Variants in CNTN5 observed in about 807,000 individuals in gnomAD.
CNTN5 encodes contactin-5.
CNTN5 carries 77 observed loss-of-function variants against 129.1 expected under a neutral mutation model. The ratio of observed to expected loss-of-function variants is 0.60; its 90% confidence interval spans 0.50 to 0.72. The LOEUF (loss-of-function observed/expected upper bound fraction) is 0.72. Among genes scored for constraint, CNTN5 ranks in the 30% least tolerant of loss-of-function variants. The pLI is 0.00. For synonymous variants in CNTN5, 509 were observed against 465.6 expected (o/e 1.09, Z -1.20); for missense variants, 1,478 against 1,328.8 (o/e 1.11, Z -1.75).
At chr11:99,441,844 C>A (rs1412197591) in intron 2 of CNTN5, among the ~76,000 whole-genome samples, 1 of 152,078 alleles carries the variant, frequency 6.6e-6, no homozygotes, top group Admixed American at 6.6e-5. Flanking sequence ...TCTTCAAAGT[C>A]ATTTTTAATA....
chr11:100,036,916 A>G (rs1000495405), intron 9 of CNTN5, among the ~76,000 whole-genome samples: 4 of 148,306 alleles, frequency 2.7e-5, no homozygotes, highest in African/African-American at 7.6e-5. Context: ...GTCTGCAAAC[A>G]GGGACAATTT....
intron 8 of CNTN5, among the ~76,000 whole-genome samples, chr11:99,962,233 G>A (rs1171308057): frequency 1.3e-5 from 2 of 152,054 alleles, no homozygotes; most frequent in Non-Finnish European, 2.9e-5. Context: ...ATGTATACAT[G>A]TGCCATGTTG....
At chr11:100,144,892 T>C (rs4754672) in intron 13 of CNTN5, among the ~76,000 whole-genome samples, 33,342 of 151,436 alleles carry the variant, frequency 0.22, 4,748 homozygotes, top group East Asian at 0.56. Context: ...CCTTCCTTCC[T>C]CTTTTTCTTT....
At chr11:99,275,586 G>A (rs79307137) in intron 1 of CNTN5, among the ~76,000 whole-genome samples, 18 of 151,484 alleles carry the variant, frequency 1.2e-4, no homozygotes, top group East Asian at 3.9e-4. Context: ...ACAGGTCAGC[G>A]GGATTCCTCA....
intron 3 of CNTN5, among the ~76,000 whole-genome samples, chr11:99,635,512 A>T (rs1037997592): frequency 6.6e-6 from 1 of 152,022 alleles, no homozygotes; most frequent in African/African-American, 2.4e-5. Flanking sequence ...AGCCTACTAC[A>T]TATGACTGCT....
intron 3 of CNTN5, among the ~76,000 whole-genome samples, chr11:99,779,524 T>C (rs1213169557): frequency 6.6e-6 from 1 of 151,946 alleles, no homozygotes; most frequent in East Asian, 1.9e-4. Context: ...CAGCTTCCCT[T>C]AGAATAATTG....
chr11:99,413,913 A>T (rs1942516210), intron 2 of CNTN5, among the ~76,000 whole-genome samples: 1 of 152,200 alleles, frequency 6.6e-6, no homozygotes, highest in African/African-American at 2.4e-5. Context: ...ATTTTTGCTT[A>T]TGCATAAATT....
intron 3 of CNTN5, among the ~76,000 whole-genome samples, chr11:99,614,188 T>A (rs1359705954): frequency 6.6e-6 from 1 of 152,238 alleles, no homozygotes; most frequent in Non-Finnish European, 1.5e-5. Context: ...CATATAGGTA[T>A]TACACTCCTA....
intron 2 of CNTN5, among the ~76,000 whole-genome samples, chr11:99,494,915 A>T (rs1158344365): frequency 6.6e-6 from 1 of 152,210 alleles, no homozygotes; most frequent in Non-Finnish European, 1.5e-5. Context: ...AAAAGACATC[A>T]GATTCTTGCT....
At chr11:99,070,086 C>T (rs189627276) in intron 1 of CNTN5, among the ~76,000 whole-genome samples, 2 of 152,256 alleles carry the variant, frequency 1.3e-5, no homozygotes, top group African/African-American at 2.4e-5. Context: ...CCACTTAGTC[C>T]GCACTGGTAT....
chr11:99,935,401 C>T (rs1950293294), intron 7 of CNTN5, among the ~76,000 whole-genome samples: 1 of 151,908 alleles, frequency 6.6e-6, no homozygotes, highest in African/African-American at 2.4e-5. Flanking sequence ...ATATTATAAA[C>T]ATCATTCCAT....
At chr11:99,379,663 AT>A (rs1325224092) in intron 2 of CNTN5, among the ~76,000 whole-genome samples, 4 of 152,328 alleles carry the variant, frequency 2.6e-5, no homozygotes, top group East Asian at 1.9e-4. Context: ...GTAGAAAAAA[AT>A]ATGTGTATTG....
chr11:99,406,127 C>T (rs4754623), intron 2 of CNTN5, among the ~76,000 whole-genome samples: 1 of 151,410 alleles, frequency 6.6e-6, no homozygotes, highest in African/African-American at 2.4e-5. Flanking sequence ...CCTGTTTCTA[C>T]GCATTGGAGA....
chr11:99,449,154 A>G (rs931834060), intron 2 of CNTN5, among the ~76,000 whole-genome samples: 3 of 152,210 alleles, frequency 2.0e-5, no homozygotes, highest in African/African-American at 7.2e-5. Context: ...CAGAAAGAGG[A>G]ATAAAAAACT....
chr11:99,974,103 T>C (rs1303081241), intron 8 of CNTN5, among the ~76,000 whole-genome samples: 1 of 152,264 alleles, frequency 6.6e-6, no homozygotes, highest in Non-Finnish European at 1.5e-5. Flanking sequence ...TTGATAATGA[T>C]TAACATTCTT....
At chr11:99,262,270 T>G (rs1196855250) in intron 1 of CNTN5, among the ~76,000 whole-genome samples, 1 of 152,060 alleles carries the variant, frequency 6.6e-6, no homozygotes, top group Admixed American at 6.6e-5. Flanking sequence ...CAGAGAGAAT[T>G]CATGATGAAT....
intron 21 of CNTN5, among the ~76,000 whole-genome samples, chr11:100,319,845 T>A (rs1335802706): frequency 6.6e-6 from 1 of 152,166 alleles, no homozygotes; most frequent in Non-Finnish European, 1.5e-5. Context: ...AACATAATGG[T>A]CTCCAGATTC....
chr11:99,631,936 T>C (rs1199369153), intron 3 of CNTN5, among the ~76,000 whole-genome samples: 2 of 152,162 alleles, frequency 1.3e-5, no homozygotes, highest in Admixed American at 6.5e-5. Context: ...TATCTTGTTA[T>C]AATTGTTCTA....
intron 3 of CNTN5, among the ~76,000 whole-genome samples, chr11:99,785,346 A>C (rs1945480260): frequency 1.3e-5 from 2 of 152,144 alleles, no homozygotes; most frequent in South Asian, 4.1e-4. Context: ...CCCATTCTGT[A>C]GGTTGTCTGT....
Sources: gnomAD v4.1 joint callset for allele counts (sites outside exome capture counted in the v4.1 genomes callset) on GRCh38, gnomAD v4.1.1 for gene constraint, MANE v1.5 for transcripts, NCBI Gene and HGNC (gene_info 2026-07-23, HGNC 2026-07-21) for gene names.